Variants in WDPCP observed in about 807,000 individuals in gnomAD.
The protein encoded by WDPCP is WD repeat-containing and planar cell polarity effector protein fritz homolog.
WDPCP carries 71 observed loss-of-function variants against 93.1 expected under a neutral mutation model. The observed-to-expected ratio is 0.76, with a 90% CI of 0.63 to 0.93. The LOEUF (loss-of-function observed/expected upper bound fraction) is 0.93, where lower values mean the gene tolerates loss of function less well. Among genes scored for constraint, WDPCP ranks in the 40% least tolerant of loss-of-function variants. The pLI is 0.00. For missense variants in WDPCP, 844 were observed against 887.4 expected (o/e 0.95, Z 0.62); for synonymous variants, 315 against 315.0 (o/e 1.00, Z 0.00).
At chr2:63,126,666 GTTTTTTTTTT>G (rs763749429) in intron 17 of WDPCP, among the ~76,000 whole-genome samples, 9 of 98,116 alleles carry the variant, frequency 9.2e-5, no homozygotes, top group African/African-American at 3.0e-4. Flanking sequence ...CTTGTTTTGT[GTTTTTTTTTT>G]TTTTTTTTTT....
intron 2 of WDPCP, among the ~76,000 whole-genome samples, chr2:63,662,410 A>G (rs1710235932): frequency 6.6e-6 from 1 of 152,114 alleles, no homozygotes; most frequent in South Asian, 2.1e-4. Flanking sequence ...CACACACATA[A>G]ATTCATATTT....
chr2:63,809,227 T>C (rs531742754), intron 2 of WDPCP, among the ~76,000 whole-genome samples: 1,572 of 143,838 alleles, frequency 0.011, 10 homozygotes, highest in South Asian at 0.024. Context: ...TCTGCCCGGC[T>C]GCCCCTACTA....
intron 9 of WDPCP, among the ~76,000 whole-genome samples, chr2:63,424,684 G>A (rs1247894447): frequency 6.6e-6 from 1 of 152,222 alleles, no homozygotes; most frequent in African/African-American, 2.4e-5. Flanking sequence ...AGCGGGGGAA[G>A]AGCTCCCACT....
chr2:63,506,177 T>C (rs1701857723), intron 1 of WDPCP, among the ~76,000 whole-genome samples: 1 of 152,130 alleles, frequency 6.6e-6, no homozygotes, highest in Non-Finnish European at 1.5e-5. Flanking sequence ...TATCTTATAA[T>C]CAAGGTGTAC....
chr2:63,605,021 G>C (rs923024594), intron 3 of WDPCP: 1 of 768,312 alleles, frequency 1.3e-6, no homozygotes, highest in Non-Finnish European at 2.1e-6. Context: ...TCATGATCTA[G>C]TGTGATCTGA....
chr2:63,712,139 C>T (rs917467815), intron 2 of WDPCP, among the ~76,000 whole-genome samples: 1 of 152,136 alleles, frequency 6.6e-6, no homozygotes, highest in Admixed American at 6.5e-5. Flanking sequence ...GTCATATGAG[C>T]TTCGCACATT....
At chr2:63,136,836 T>C (rs528259833) in intron 17 of WDPCP, among the ~76,000 whole-genome samples, 68 of 152,278 alleles carry the variant, frequency 4.5e-4, no homozygotes, top group African/African-American at 1.6e-3. Context: ...CCTGTATTAG[T>C]TTGCTAAGGA....
At chr2:63,828,316 C>T (rs942450691), upstream of WDPCP, among the ~76,000 whole-genome samples, 11 of 152,270 alleles carry the variant, frequency 7.2e-5, no homozygotes, top group African/African-American at 2.4e-4. Flanking sequence ...GCTCAAACCT[C>T]TGCTCCAACT....
chr2:63,588,990 G>T, upstream of WDPCP: 11 of 1,614,034 alleles, frequency 6.8e-6, no homozygotes, highest in South Asian at 1.1e-5. Flanking sequence ...GAGGTGACCT[G>T]ACTCTCTGAG....
chr2:63,152,360 T>G (rs760228411), intron 17 of WDPCP, among the ~76,000 whole-genome samples: 2 of 151,704 alleles, frequency 1.3e-5, no homozygotes, highest in African/African-American at 4.8e-5. Context: ...CTGCAATTTC[T>G]TCCTCCTGGG....
chr2:63,244,468 T>C (rs1457384259), intron 14 of WDPCP, among the ~76,000 whole-genome samples: 1 of 152,108 alleles, frequency 6.6e-6, no homozygotes, highest in Non-Finnish European at 1.5e-5. Context: ...GACTGCTAGC[T>C]TGGCTAGATT....
chr2:63,398,007 T>C (rs1575327251), intron 10 of WDPCP, among the ~76,000 whole-genome samples: 1 of 151,984 alleles, frequency 6.6e-6, no homozygotes, highest in East Asian at 1.9e-4. Flanking sequence ...GGTGACAAAG[T>C]AAAGGTGTCA....
intron 2 of WDPCP, among the ~76,000 whole-genome samples, chr2:63,766,124 A>G (rs560664176): frequency 2.4e-4 from 36 of 152,374 alleles, no homozygotes; most frequent in African/African-American, 8.7e-4. Context: ...GGTAGAGCAC[A>G]GAGCAGGCAG....
intron 1 of WDPCP, among the ~76,000 whole-genome samples, chr2:63,514,972 G>C (rs1484855216): frequency 6.6e-6 from 1 of 152,074 alleles, no homozygotes; most frequent in African/African-American, 2.4e-5. Flanking sequence ...ATTGGTTTTG[G>C]TGCCAATTCA....
At chr2:63,690,856 C>T (rs1172078211) in intron 2 of WDPCP, among the ~76,000 whole-genome samples, 3 of 151,942 alleles carry the variant, frequency 2.0e-5, no homozygotes, top group Non-Finnish European at 2.9e-5. Context: ...GATTCCATTG[C>T]GTAGTTGTTA....
intron 6 of WDPCP, among the ~76,000 whole-genome samples, chr2:63,472,294 AT>A (rs1699738478): frequency 1.3e-5 from 2 of 151,568 alleles, no homozygotes; most frequent in Admixed American, 1.3e-4. Context: ...TTTTTTAATC[AT>A]TGGGTCCTTT....
upstream of WDPCP, chr2:63,589,170 G>A (rs1016915320): frequency 1.2e-6 from 2 of 1,610,310 alleles, no homozygotes; most frequent in South Asian, 1.1e-5. Flanking sequence ...CCTTTGGCAA[G>A]CTCGGACTCA....
intron 13 of WDPCP, among the ~76,000 whole-genome samples, chr2:63,290,803 T>A (rs1257587114): frequency 6.6e-6 from 1 of 151,992 alleles, no homozygotes; most frequent in African/African-American, 2.4e-5. Context: ...TGCTCTTTTT[T>A]GTTTCCTGGG....
intron 1 of WDPCP, among the ~76,000 whole-genome samples, chr2:63,582,858 T>C (rs1433372908): frequency 6.6e-6 from 1 of 152,098 alleles, no homozygotes; most frequent in Non-Finnish European, 1.5e-5. Context: ...TTTCCACACA[T>C]ACAAAAGCTG....
Sources: gnomAD v4.1 joint callset for allele counts (sites outside exome capture counted in the v4.1 genomes callset) on GRCh38, gnomAD v4.1.1 for gene constraint, MANE v1.5 for transcripts, NCBI Gene and HGNC (gene_info 2026-07-23, HGNC 2026-07-21) for gene names.